The following ATP2B4 variants were observed in gnomAD, a reference collection of about 807,000 sequenced individuals.
ATP2B4 encodes the protein ATPase plasma membrane Ca2+ transporting 4, also known as plasma membrane calcium-transporting ATPase 4.
In ATP2B4, 39 loss-of-function variants were observed where a neutral mutation model predicts 110.3. The observed-to-expected ratio is 0.35, with a 90% CI of 0.27 to 0.46. ATP2B4 has a LOEUF of 0.46. Among genes scored for constraint, ATP2B4 ranks in the 20% least tolerant of loss-of-function variants. ATP2B4 has a pLI of 1.00. For synonymous variants in ATP2B4, 538 were observed against 571.7 expected (o/e 0.94, Z 0.84); for missense variants, 1,135 against 1,530.9 (o/e 0.74, Z 4.32).
At chr1:203,730,729 C>T (rs1666680561) in intron 20 of ATP2B4, among the ~76,000 whole-genome samples, 1 of 152,200 alleles carries the variant, frequency 6.6e-6, no homozygotes, top group South Asian at 2.1e-4. Flanking sequence ...TCACTGCCTA[C>T]ATAGCTTTAG....
Position 203,654,052 on chromosome 1 carries a change from C to T in ATP2B4, c.-465+26833C>T, listed in dbSNP as rs1181425487. Among the ~76,000 whole-genome samples the T allele has an allele frequency of 9.6e-4, 139 of 144,936 alleles. 1 individual carries two copies. The highest frequency in any genetic ancestry group is 1.4e-3 in the Admixed American group (20 of 14,106). On this transcript the variant is annotated intron_variant, in intron 1 of 20. Coordinates refer to ENST00000357681, the MANE Select transcript of ATP2B4 (RefSeq NM_001684.5). ...AGGCTGGAGTGCAATTGTGCGATCT[C>T]AGCTCACTGCTATGTCTGCCTCCCG...
At chr1:203,734,471 C>T (rs950862335) in intron 20 of ATP2B4, among the ~76,000 whole-genome samples, 11 of 152,110 alleles carry the variant, frequency 7.2e-5, no homozygotes, top group African/African-American at 2.7e-4. Flanking sequence ...CTTTAGGAGG[C>T]CGAGGTGGGC....
At chr1:203,728,318 A>G in intron 20 of ATP2B4, 2 of 378,414 alleles carry the variant, frequency 5.3e-6, no homozygotes, top group Non-Finnish European at 5.3e-6. Flanking sequence ...CTTTCCATGC[A>G]TCAATTGTAA....
At chr1:203,661,136 C>A (rs1216508638) in intron 1 of ATP2B4, among the ~76,000 whole-genome samples, 1 of 151,398 alleles carries the variant, frequency 6.6e-6, no homozygotes, top group Non-Finnish European at 1.5e-5. Flanking sequence ...TTCCCAAGGT[C>A]AAATGGGTAG....
chr1:203,683,487 C>G, intron 2 of ATP2B4, 89 bp downstream of exon 2: 1 of 1,351,736 alleles, frequency 7.4e-7, no homozygotes, highest in African/African-American at 1.5e-5. Flanking sequence ...AGGCACATTT[C>G]TGGAGGCCCA....
intron 2 of ATP2B4, among the ~76,000 whole-genome samples, chr1:203,693,725 A>T (rs1289732687): frequency 6.6e-6 from 1 of 152,170 alleles, no homozygotes. Context: ...GACAGTGGGA[A>T]CAGCGCTGGC....
chr1:203,696,074 G>A (rs1043760677), intron 2 of ATP2B4, among the ~76,000 whole-genome samples: 2 of 152,056 alleles, frequency 1.3e-5, no homozygotes, highest in South Asian at 2.1e-4. Context: ...ACAGGCATGC[G>A]CCACCACACC....
chr1:203,683,421 G>A (rs770167834), intron 2 of ATP2B4, 23 bp downstream of exon 2: 5 of 1,559,678 alleles, frequency 3.2e-6, no homozygotes, highest in South Asian at 1.2e-5. Flanking sequence ...TCAGGGGTGG[G>A]GAGTTGGAGG....
At chr1:203,679,569 C>G (rs996019619) in intron 1 of ATP2B4, among the ~76,000 whole-genome samples, 1 of 152,100 alleles carries the variant, frequency 6.6e-6, no homozygotes, top group Non-Finnish European at 1.5e-5. Flanking sequence ...CGCTTTGGTA[C>G]TGTGAAAAGA....
At chr1:203,715,179 G>A (rs1377646622) in intron 15 of ATP2B4, among the ~76,000 whole-genome samples, 2 of 151,718 alleles carry the variant, frequency 1.3e-5, no homozygotes, top group African/African-American at 4.8e-5. Context: ...GGAGGCTGAG[G>A]TAGGAGAATC....
At chr1:203,719,669 C>T (rs1016876293) in intron 15 of ATP2B4, among the ~76,000 whole-genome samples, 1 of 151,910 alleles carries the variant, frequency 6.6e-6, no homozygotes, top group Non-Finnish European at 1.5e-5. Context: ...GAGCTGAGAT[C>T]ACACCACTGC....
intron 1 of ATP2B4, among the ~76,000 whole-genome samples, chr1:203,660,663 G>T (rs2102331495): frequency 6.6e-6 from 1 of 152,240 alleles, no homozygotes; most frequent in African/African-American, 2.4e-5. Context: ...AGCTGGGCAT[G>T]GTGTGAGCAC....
intron 2 of ATP2B4, among the ~76,000 whole-genome samples, chr1:203,689,670 T>C (rs908449930): frequency 2.0e-5 from 3 of 152,374 alleles, no homozygotes; most frequent in Non-Finnish European, 2.9e-5. Flanking sequence ...ATTCAACTAA[T>C]ACTTAAAAAC....
chr1:203,644,431 C>CA (rs2102309387), intron 1 of ATP2B4, among the ~76,000 whole-genome samples: 1 of 152,214 alleles, frequency 6.6e-6, no homozygotes, highest in African/African-American at 2.4e-5. Flanking sequence ...TAATGACAGG[C>CA]AGGGTGGTCT....
At chr1:203,633,811 G>T (rs1053605069) in intron 1 of ATP2B4, among the ~76,000 whole-genome samples, 1 of 152,048 alleles carries the variant, frequency 6.6e-6, no homozygotes, top group Non-Finnish European at 1.5e-5. Flanking sequence ...AATTTTATGT[G>T]AGGCTGAGGT....
At chr1:203,663,637 G>T (rs1014977844) in intron 1 of ATP2B4, among the ~76,000 whole-genome samples, 1 of 148,986 alleles carries the variant, frequency 6.7e-6, no homozygotes, top group Non-Finnish European at 1.5e-5. Flanking sequence ...GCAAGGTCTT[G>T]CTCTGTCACC....
intron 12 of ATP2B4, 27 bp from the exon 13 acceptor site, chr1:203,711,933 C>T: frequency 6.2e-7 from 1 of 1,610,440 alleles, no homozygotes; most frequent in Non-Finnish European, 8.5e-7. Context: ...CTCATCTGCG[C>T]CTTTCCCCTT....
intron 1 of ATP2B4, among the ~76,000 whole-genome samples, chr1:203,634,693 C>T (rs567642676): frequency 1.3e-5 from 2 of 151,960 alleles, no homozygotes. Context: ...GAGACCGGGT[C>T]TTGCTTTATC....
chr1:203,632,724 AGAAATCTT>A (rs1188891641), intron 1 of ATP2B4, among the ~76,000 whole-genome samples: 2 of 151,830 alleles, frequency 1.3e-5, no homozygotes, highest in Non-Finnish European at 2.9e-5. Flanking sequence ...CCACCTACAA[AGAAATCTT>A]GACCTTTACT....
Sources: allele counts gnomAD v4.1 joint callset (sites outside exome capture counted in the v4.1 genomes callset), GRCh38; gene constraint gnomAD v4.1.1; transcripts MANE v1.5; gene names NCBI Gene and HGNC (gene_info 2026-07-23, HGNC 2026-07-21).